The following USP15 variants were observed in gnomAD, a reference collection of about 807,000 sequenced individuals.
The protein encoded by USP15 is ubiquitin specific peptidase 15, also known as ubiquitin carboxyl-terminal hydrolase 15.
In USP15, 18 loss-of-function variants were observed where a neutral mutation model predicts 127.1. The observed-to-expected ratio is 0.14, with a 90% CI of 0.10 to 0.21. The LOEUF is 0.21. Among genes scored for constraint, USP15 ranks in the 10% least tolerant of loss-of-function variants. USP15 has a pLI of 1.00. For synonymous variants in USP15, 364 were observed against 393.7 expected, an observed-to-expected ratio of 0.92 and a Z score of 0.89; for missense variants, 805 against 1,159.9, an observed-to-expected ratio of 0.69 and a Z score of 4.44.
chr12:62,379,498 G>T (rs2066925069), intron 8 of USP15, among the ~76,000 whole-genome samples: 1 of 152,098 alleles, frequency 6.6e-6, no homozygotes, highest in African/African-American at 2.4e-5. Flanking sequence ...AAAATGTTCA[G>T]TTATACCTTT....
intron 8 of USP15, among the ~76,000 whole-genome samples, chr12:62,367,733 A>G (rs901917727): frequency 2.0e-5 from 3 of 149,448 alleles, no homozygotes; most frequent in African/African-American, 7.3e-5. Context: ...CAGTCTGTCT[A>G]TTTTGTTTAT....
rs1183073850 is a variant in USP15 at position 62,409,479 on chromosome 12, ATATATTT to A, written c.*5107_*5113del. The A allele has an allele frequency of 6.6e-6, 1 of 152,204 alleles. No homozygotes were observed. Among genetic ancestry groups the A allele is most frequent in the Non-Finnish European group, 1.5e-5 (1 of 68,018 alleles). 9.4% of individuals were successfully genotyped at this position (152,204 alleles called of 1,614,324 possible). ...ACCACACACTTTCAATATGCACAAA[ATATATTT>A]TAAATGTTTAAGTTGTATTGGTAAT... On this transcript the variant is annotated 3_prime_UTR_variant, in exon 22 of 22. Coordinates refer to ENST00000280377, the MANE Select transcript of USP15 (RefSeq NM_001252078.2).
Position 62,374,970 on chromosome 12 carries a change from A to G in USP15, c.916-6520A>G, listed in dbSNP as rs559807448. Among the ~76,000 whole-genome samples the G allele has an allele frequency of 1.1e-3, 160 of 152,036 alleles. 1 individual carries two copies. Among genetic ancestry groups the G allele is most frequent in the Non-Finnish European group, 1.8e-3 (121 of 67,958 alleles). On this transcript the variant is annotated intron_variant, in intron 8 of 21. Coordinates refer to ENST00000280377, the MANE Select transcript of USP15 (RefSeq NM_001252078.2). The stretch of plus-strand genomic sequence containing the variant: ...TTTATAACTAGAGAGTTTTTAATAG[A>G]GAATTAGTACTTTAATAAAGAATGC...
intron 2 of USP15, among the ~76,000 whole-genome samples, chr12:62,295,142 C>A (rs895448470): frequency 2.6e-5 from 4 of 152,134 alleles, no homozygotes; most frequent in Admixed American, 6.6e-5. Context: ...TAGACCCCCC[C>A]CCATAGGGTT....
intron 14 of USP15, among the ~76,000 whole-genome samples, chr12:62,390,197 G>A (rs1263769580): frequency 1.3e-5 from 2 of 152,106 alleles, no homozygotes; most frequent in East Asian, 1.9e-4. Context: ...CAGGAAGCAC[G>A]AAGTCTGTAG....
intron 1 of USP15, among the ~76,000 whole-genome samples, chr12:62,293,906 T>A (rs1309128697): frequency 1.3e-5 from 2 of 152,208 alleles, no homozygotes; most frequent in Non-Finnish European, 2.9e-5. Context: ...TATTTCCATT[T>A]TTATTCAATG....
intron 6 of USP15, among the ~76,000 whole-genome samples, chr12:62,333,044 G>A (rs2065351444): frequency 6.6e-6 from 1 of 152,146 alleles, no homozygotes; most frequent in Non-Finnish European, 1.5e-5. Context: ...TTTTTAGAGA[G>A]TATTCAATCC....
chr12:62,261,152 G>A (rs757773761), intron 1 of USP15, among the ~76,000 whole-genome samples: 3 of 152,104 alleles, frequency 2.0e-5, no homozygotes, highest in Non-Finnish European at 4.4e-5. Flanking sequence ...GATAGAAGCC[G>A]GCAGCGTTTC....
At chr12:62,346,445 G>C (rs2065821230) in intron 6 of USP15, among the ~76,000 whole-genome samples, 1 of 151,994 alleles carries the variant, frequency 6.6e-6, no homozygotes. Flanking sequence ...ATAACACTTT[G>C]ATATTATTAT....
At chr12:62,287,397 A>G (rs2063819341) in intron 1 of USP15, among the ~76,000 whole-genome samples, 1 of 152,170 alleles carries the variant, frequency 6.6e-6, no homozygotes, top group South Asian at 2.1e-4. Flanking sequence ...TTCTTTGCCC[A>G]CATTTAAATG....
At chr12:62,261,374 G>A (rs2063051437) in intron 1 of USP15, among the ~76,000 whole-genome samples, 1 of 152,190 alleles carries the variant, frequency 6.6e-6, no homozygotes, top group South Asian at 2.1e-4. Context: ...ATGTGAATAT[G>A]TAACATAATT....
chr12:62,270,547 CA>C lies in USP15; in HGVS notation c.89+10045del, dbSNP rs369316764. ...CGAGTTAATTTTTTGTGTATATGGT[CA>C]GGGGAGGAGTTCAATTTCATTCTTT... is the stretch of plus-strand genomic sequence containing the variant. On this transcript the variant is annotated intron_variant, in intron 1 of 21. Transcript: ENST00000280377. Among the ~76,000 whole-genome samples, 140 of 152,074 alleles carry C rather than the reference CA, an allele frequency of 9.2e-4. 1 individual carries two copies. The highest frequency in any genetic ancestry group is 3.2e-3 in the African/African-American group (133 of 41,478).
At chr12:62,386,217 C>A (rs2067146264) in intron 11 of USP15, among the ~76,000 whole-genome samples, 1 of 149,034 alleles carries the variant, frequency 6.7e-6, no homozygotes. Flanking sequence ...AACTCAAATA[C>A]AAAATGATCA....
At chr12:62,283,205 G>T (rs771342232) in intron 1 of USP15, among the ~76,000 whole-genome samples, 1 of 152,196 alleles carries the variant, frequency 6.6e-6, no homozygotes, top group Admixed American at 6.5e-5. Context: ...AAGAGTAAAA[G>T]CTATTCCAGG....
chr12:62,281,258 T>G (rs1258952865), intron 1 of USP15, among the ~76,000 whole-genome samples: 1 of 152,226 alleles, frequency 6.6e-6, no homozygotes, highest in African/African-American at 2.4e-5. Flanking sequence ...CTTTCTTGTC[T>G]ACGTCTTCTA....
Position 62,321,569 on chromosome 12 carries a change from C to G in USP15, c.581C>G (p.Pro194Arg), listed in dbSNP as rs1158254292. 3 of 1,605,232 alleles carry G rather than the reference C, an allele frequency of 1.9e-6. No individual in the cohort carries two copies. Among genetic ancestry groups the G allele is most frequent in the Non-Finnish European group, 2.6e-6 (3 of 1,175,800 alleles). The change falls in exon 5 of 22, where the codon CCA becomes CGA. Residue 194 changes from proline to arginine, a missense_variant. By Grantham distance (103) the Pro-to-Arg change is moderately radical. This residue lies in a region of USP15 where 16 missense variants were observed against 40.8 expected (regional missense o/e 0.39). Coordinates refer to ENST00000280377, the MANE Select transcript of USP15 (RefSeq NM_001252078.2). The part of the protein sequence containing the change: ...MSNTFEPLNK[P>R]DSTIQDAGLY... ...AACACATTTGAACCACTGAATAAAC[C>G]AGACAGCACCATTCAGGATGCTGGT...
chr12:62,309,050 G>A (rs1306385744), intron 3 of USP15, among the ~76,000 whole-genome samples: 1 of 151,986 alleles, frequency 6.6e-6, no homozygotes, highest in Non-Finnish European at 1.5e-5. Context: ...ACAAGTTAAG[G>A]AAATTGAACT....
In USP15 at chr12:62,405,311, A is replaced by C. The variant is rs957772786; in HGVS notation, c.*936A>C. The C allele has an allele frequency of 6.6e-6, 1 of 152,084 alleles. No individual in the cohort carries two copies. The highest frequency in any genetic ancestry group is 2.4e-5 in the African/African-American group (1 of 41,436). 9.4% of individuals were successfully genotyped at this position (152,084 alleles called of 1,614,324 possible). A position where few individuals can be genotyped will look rare whatever the true frequency, so the allele number is the denominator to read the frequency against. On this transcript the variant is annotated 3_prime_UTR_variant, in exon 22 of 22. Coordinates refer to ENST00000280377, the MANE Select transcript of USP15 (RefSeq NM_001252078.2). ...TAATTGCATCAAGCTTAGATGAGAA[A>C]TTTTTTTCATATACTGGCCTTTAAA...
intron 3 of USP15, among the ~76,000 whole-genome samples, chr12:62,308,438 C>T (rs1290910477): frequency 2.0e-5 from 3 of 152,014 alleles, no homozygotes; most frequent in African/African-American, 7.2e-5. Flanking sequence ...GGTGGTATGT[C>T]ACTTCTGAGA....
Sources: allele counts gnomAD v4.1 joint callset (sites outside exome capture counted in the v4.1 genomes callset), GRCh38; gene constraint gnomAD v4.1.1; regional missense constraint gnomAD v4.1.1; transcripts MANE v1.5; gene names NCBI Gene and HGNC (gene_info 2026-07-23, HGNC 2026-07-21).